The following TAL1 variants were observed in gnomAD, a reference collection of about 807,000 sequenced individuals.
The protein encoded by TAL1 is TAL bHLH transcription factor 1, erythroid differentiation factor, also known as T-cell acute lymphocytic leukemia protein 1.
In TAL1, 8 loss-of-function variants were observed where a neutral mutation model predicts 17.9. The observed-to-expected ratio is 0.45, with a 90% CI of 0.26 to 0.81. The LOEUF (loss-of-function observed/expected upper bound fraction) is 0.81, where lower values mean the gene tolerates loss of function less well. Ranked by LOEUF, TAL1 falls within the 30% of genes least tolerant of loss-of-function variation. The pLI is 0.17. For missense variants in TAL1, 466 were observed against 486.9 expected (o/e 0.96, Z 0.40); for synonymous variants, 223 against 218.6 (o/e 1.02, Z -0.18).
At chr1:47,219,803 T>C in exon 4 of TAL1, 1 of 1,610,864 alleles carries the variant, frequency 6.2e-7, no homozygotes, top group Non-Finnish European at 8.5e-7. Flanking sequence ...GGCTCCTCCG[T>C]GTAGCTGTCC....
At chr1:47,221,385 AT>A (rs1643803264) in intron 3 of TAL1, among the ~76,000 whole-genome samples, 1 of 152,160 alleles carries the variant, frequency 6.6e-6, no homozygotes, top group Non-Finnish European at 1.5e-5. Context: ...CTAACATTCC[AT>A]GTATAAAGAC....
intron 2 of TAL1, among the ~76,000 whole-genome samples, 187 bp downstream of exon 3, chr1:47,225,256 T>C (rs898306888): frequency 5.3e-5 from 8 of 152,302 alleles, no homozygotes; most frequent in African/African-American, 1.7e-4. Flanking sequence ...CCTCCCTCAC[T>C]GGCACTCACT....
Position 47,217,887 on chromosome 1 carries a change from C to T in TAL1, c.*1833G>A, listed in dbSNP as rs181336736. ...CTTCCAAACGTTGGAAAGGAACCAA[C>T]CCTAATTTTCACCAAAACATGATCT... On this transcript the variant is annotated 3_prime_UTR_variant, in exon 4 of 4. Coordinates refer to ENST00000294339, the Ensembl canonical transcript of TAL1. 1.2e-3 allele frequency: 482 copies of T among 397,638 alleles called. 2 individuals carry two copies. Among genetic ancestry groups the T allele is most frequent in the Middle Eastern group, 0.012 (19 of 1,588 alleles). 24.6% of individuals were successfully genotyped at this position (397,638 alleles called of 1,614,324 possible). A position where few individuals can be genotyped will look rare whatever the true frequency, so the allele number is the denominator to read the frequency against.
Position 47,219,146 on chromosome 1 carries a change from C to T in TAL1, c.*574G>A, listed in dbSNP as rs191564437. ...CTAGAGCAGACTGTCCACTGATCAT[C>T]TTCTTCAACCAGGCCCTGAAGAAGG... On this transcript the variant is annotated 3_prime_UTR_variant, in exon 4 of 4. Transcript: ENST00000294339. 2.4e-5 allele frequency: 10 copies of T among 422,362 alleles called. No individual in the cohort carries two copies. In the East Asian group the frequency reaches 3.7e-4, roughly 15 times the overall value. The allele number at this position is 422,362 out of a possible 1,614,324, so 26.2% of individuals were successfully genotyped here.
exon 4 of TAL1, chr1:47,218,946 T>C (rs1180951192): frequency 1.1e-5 from 3 of 266,684 alleles, no homozygotes; most frequent in Non-Finnish European, 1.5e-5. Context: ...TCTACTATCA[T>C]TGTCCCTTTC....
chr1:47,224,858 G>A (rs1298052236), intron 2 of TAL1, among the ~76,000 whole-genome samples: 1 of 152,226 alleles, frequency 6.6e-6, no homozygotes, highest in Non-Finnish European at 1.5e-5. Flanking sequence ...CCGGAGTACA[G>A]GCTGGGGCCA....
chr1:47,231,631 C>T (rs1644016044), upstream of TAL1: 7 of 233,718 alleles, frequency 3.0e-5, no homozygotes. Context: ...CAAACACAGT[C>T]GCAGGGGCCA....
At chr1:47,224,050 A>G (rs1396303929) in exon 3 of TAL1, 2 of 1,613,898 alleles carry the variant, frequency 1.2e-6, no homozygotes, top group Non-Finnish European at 1.7e-6. Flanking sequence ...TCTTCACTCG[A>G]TTGTTGGTGG....
At chr1:47,217,951 A>T (rs1645532134) in exon 4 of TAL1, 3 of 394,402 alleles carry the variant, frequency 7.6e-6, no homozygotes, top group Middle Eastern at 6.4e-4. Context: ...GAGTGCTACA[A>T]AGGTGAACAA....
chr1:47,222,050 C>G (rs1347844501), intron 3 of TAL1, among the ~76,000 whole-genome samples: 1 of 152,278 alleles, frequency 6.6e-6, no homozygotes, highest in East Asian at 1.9e-4. Flanking sequence ...CAGTTCTACC[C>G]TGGGCGGCCT....
intron 1 of TAL1, chr1:47,228,170 T>C (rs41289398): frequency 0.055 from 9,107 of 164,832 alleles, 336 homozygotes; most frequent in African/African-American, 0.092. Flanking sequence ...AAATATATGA[T>C]TGGATCCCAG....
chr1:47,225,615 C>G, exon 2 of TAL1: 1 of 1,380,362 alleles, frequency 7.2e-7, no homozygotes, highest in Non-Finnish European at 9.3e-7. Context: ...CTGCACAGCT[C>G]GGTGGTGGGC....
intron 3 of TAL1, among the ~76,000 whole-genome samples, chr1:47,222,005 AC>A (rs150416040): frequency 0.012 from 1,754 of 152,324 alleles, 34 homozygotes; most frequent in African/African-American, 0.04. Context: ...CAAAGGCCAG[AC>A]CCAGCCTGGG....
upstream of TAL1, chr1:47,230,943 T>C (rs1644002008): frequency 6.6e-6 from 1 of 151,996 alleles, no homozygotes; most frequent in Admixed American, 6.6e-5. Context: ...TCCCAGGAGG[T>C]GATCCCGAAT....
chr1:47,224,284 C>T (rs1643875822), intron 2 of TAL1, among the ~76,000 whole-genome samples, 186 bp from the exon 4 acceptor site: 1 of 151,868 alleles, frequency 6.6e-6, no homozygotes, highest in Admixed American at 6.6e-5. Flanking sequence ...TGCCCTCACT[C>T]TGTCTGTCAT....
intron 2 of TAL1, among the ~76,000 whole-genome samples, chr1:47,225,097 G>A (rs1366095805): frequency 6.6e-6 from 1 of 152,108 alleles, no homozygotes; most frequent in Admixed American, 6.5e-5. Context: ...CCCACGCTCA[G>A]GGGACTCCTT....
chr1:47,217,544 C>G, exon 4 of TAL1: 1 of 398,590 alleles, frequency 2.5e-6, no homozygotes. Flanking sequence ...GCTGCGAAAC[C>G]CCACTGCAGG....
rs150044548 is a variant in TAL1, at chr1:47,219,958, C to T, written c.758G>A (p.Arg253Gln). 86 of 1,541,170 alleles carry T rather than the reference C, an allele frequency of 5.6e-5. No individual in the cohort carries two copies. The highest frequency in any genetic ancestry group is 1.4e-4 in the Admixed American group (8 of 55,990). ...CACAGGGTCCTTGCCAGTCTTGGCCCGCTGGGTGCCCTCCTCCTCCTGGTC... is the reference window on the plus strand; with the variant it reads ...CACAGGGTCCTTGCCAGTCTTGGCCTGCTGGGTGCCCTCCTCCTCCTGGTC... Residue 253 changes from arginine (R) to glutamine (Q), a missense_variant, in exon 4 of 4, where the codon CGG becomes CAG. By Grantham distance (43) the Arg-to-Gln change is conservative. This residue lies in a region of TAL1 where 134 missense variants were observed against 122.0 expected (regional missense o/e 1.10). Transcript: ENST00000294339.
chr1:47,219,792 G>A (rs747792912), exon 4 of TAL1: 3 of 1,611,958 alleles, frequency 1.9e-6, no homozygotes, highest in Non-Finnish European at 2.5e-6. Context: ...GCTTGGGCGC[G>A]GGCTCCTCCG....
Sources: allele counts gnomAD v4.1 joint callset (sites outside exome capture counted in the v4.1 genomes callset), GRCh38; gene constraint gnomAD v4.1.1; regional missense constraint gnomAD v4.1.1; transcripts MANE v1.5; gene names NCBI Gene and HGNC (gene_info 2026-07-23, HGNC 2026-07-21).